Variants in PGCKA1 observed in about 807,000 individuals in gnomAD.
The protein encoded by PGCKA1 is PDCD10 and GCKIII kinases associated 1.
the PGCKA1 span, among the ~76,000 whole-genome samples, chr4:37,556,457 CG>C: frequency 0.43 from 65,274 of 151,622 alleles, 14,580 homozygotes; most frequent in African/African-American, 0.52. Flanking sequence ...TTAGTAGAGA[CG>C]GGGTTTCACC....
the PGCKA1 span, among the ~76,000 whole-genome samples, chr4:37,514,882 G>C: frequency 2.0e-5 from 3 of 152,192 alleles, no homozygotes; most frequent in Non-Finnish European, 4.4e-5. Flanking sequence ...AGCTAAGCCA[G>C]GGCTGTGGGT....
At chr4:37,463,188 C>A in the PGCKA1 span, among the ~76,000 whole-genome samples, 1 of 152,248 alleles carries the variant, frequency 6.6e-6, no homozygotes, top group Admixed American at 6.5e-5. Flanking sequence ...AGAGCTGTTC[C>A]TTTCCCTGTG....
chr4:37,509,152 C>T, the PGCKA1 span, among the ~76,000 whole-genome samples: 2 of 150,842 alleles, frequency 1.3e-5, no homozygotes, highest in Non-Finnish European at 3.0e-5. Context: ...TTAGACAAAA[C>T]TGCCATCGTC....
chr4:37,455,054 TTGG>T, the PGCKA1 span, among the ~76,000 whole-genome samples: 1 of 152,176 alleles, frequency 6.6e-6, no homozygotes, highest in East Asian at 1.9e-4. Flanking sequence ...GTGGATGTCC[TTGG>T]TGGTTGCAAT....
chr4:37,490,699 A>T, the PGCKA1 span, among the ~76,000 whole-genome samples: 2 of 152,178 alleles, frequency 1.3e-5, no homozygotes, highest in African/African-American at 2.4e-5. Context: ...AAAAATCAGA[A>T]GATGGCTTTG....
the PGCKA1 span, among the ~76,000 whole-genome samples, chr4:37,484,236 G>A: frequency 6.0e-3 from 906 of 152,234 alleles, 10 homozygotes; most frequent in African/African-American, 0.02. Context: ...TGGACTCACC[G>A]TTCCACATGG....
At chr4:37,489,004 GT>G in the PGCKA1 span, among the ~76,000 whole-genome samples, 4 of 152,144 alleles carry the variant, frequency 2.6e-5, no homozygotes, top group Non-Finnish European at 4.4e-5. Flanking sequence ...CTCCTAAGCG[GT>G]TTCCTAAGTG....
chr4:37,567,592 T>C, the PGCKA1 span, among the ~76,000 whole-genome samples: 1 of 152,202 alleles, frequency 6.6e-6, no homozygotes, highest in Non-Finnish European at 1.5e-5. Flanking sequence ...ACTGCTGGTG[T>C]GGTGTGATCA....
At chr4:37,455,209 T>G in the PGCKA1 span, among the ~76,000 whole-genome samples, 1 of 152,208 alleles carries the variant, frequency 6.6e-6, no homozygotes, top group African/African-American at 2.4e-5. Flanking sequence ...CCTTCCCCAT[T>G]TAATCCTTCA....
At chr4:37,457,991 G>A in the PGCKA1 span, among the ~76,000 whole-genome samples, 1 of 152,148 alleles carries the variant, frequency 6.6e-6, no homozygotes, top group Non-Finnish European at 1.5e-5. Flanking sequence ...AAGTCTACAA[G>A]AAAAACATTA....
chr4:37,480,157 C>T, the PGCKA1 span, among the ~76,000 whole-genome samples: 1 of 152,178 alleles, frequency 6.6e-6, no homozygotes, highest in African/African-American at 2.4e-5. Flanking sequence ...GAAGGAAACA[C>T]GAAACACAGC....
chr4:37,592,174 A>G, the PGCKA1 span, among the ~76,000 whole-genome samples: 1 of 143,216 alleles, frequency 7.0e-6, no homozygotes, highest in Non-Finnish European at 1.5e-5. Context: ...GTGCCACTGC[A>G]CTCCAGCCTG....
At chr4:37,494,159 T>A in the PGCKA1 span, among the ~76,000 whole-genome samples, 1 of 152,162 alleles carries the variant, frequency 6.6e-6, no homozygotes, top group Non-Finnish European at 1.5e-5. Flanking sequence ...TTATTTTAAG[T>A]ACATGTAGAG....
At chr4:37,487,221 ACT>A in the PGCKA1 span, among the ~76,000 whole-genome samples, 1 of 152,232 alleles carries the variant, frequency 6.6e-6, no homozygotes, top group East Asian at 1.9e-4. Context: ...ACCCCCACAC[ACT>A]CTCTTATTTT....
At chr4:37,476,855 C>T in the PGCKA1 span, among the ~76,000 whole-genome samples, 1,913 of 152,292 alleles carry the variant, frequency 0.013, 61 homozygotes, top group East Asian at 0.11. Flanking sequence ...CACTTCATGA[C>T]GGCCACCCAC....
the PGCKA1 span, among the ~76,000 whole-genome samples, chr4:37,524,146 A>G: frequency 6.6e-6 from 1 of 152,252 alleles, no homozygotes; most frequent in East Asian, 1.9e-4. Context: ...TATCTCCATC[A>G]TGAAGCCGTT....
the PGCKA1 span, among the ~76,000 whole-genome samples, chr4:37,561,278 A>G: frequency 3.3e-5 from 5 of 152,314 alleles, no homozygotes; most frequent in South Asian, 1.0e-3. Flanking sequence ...AGAGCAAACA[A>G]GCAGAGTTAA....
the PGCKA1 span, among the ~76,000 whole-genome samples, chr4:37,492,211 C>T: frequency 6.6e-6 from 1 of 151,814 alleles, no homozygotes; most frequent in African/African-American, 2.4e-5. The surrounding 1 kb of genome is among the most constrained non-coding windows in gnomAD (Gnocchi z 4.7). Context: ...AATTTTTTAA[C>T]AATCATCTTT....
the PGCKA1 span, among the ~76,000 whole-genome samples, chr4:37,539,045 T>C: frequency 6.6e-6 from 1 of 152,150 alleles, no homozygotes; most frequent in Non-Finnish European, 1.5e-5. Context: ...CACTCGCACC[T>C]GAATGTGTGT....
Sources: allele counts gnomAD v4.1 joint callset (sites outside exome capture counted in the v4.1 genomes callset), GRCh38; gene constraint gnomAD v4.1.1; non-coding constraint Gnocchi (gnomAD v3.1); transcripts MANE v1.5; gene names NCBI Gene and HGNC (gene_info 2026-07-23, HGNC 2026-07-21).